Variants in ABI1 observed in about 807,000 individuals in gnomAD.
ABI1 encodes Abelson interactor 1.
ABI1 carries 14 observed loss-of-function variants against 54.6 expected under a neutral mutation model. The observed-to-expected ratio is 0.26, with a 90% CI of 0.17 to 0.40. The LOEUF is 0.40. ABI1 is among the 10% of genes least tolerant of loss of function. The pLI, the probability that ABI1 is intolerant of heterozygous loss-of-function variation, is 1.00. For missense variants in ABI1, 443 were observed against 598.3 expected (o/e 0.74, Z 2.71); for synonymous variants, 194 against 209.3 (o/e 0.93, Z 0.63).
At chr10:26,836,038 C>A (rs913213153) in intron 1 of ABI1, among the ~76,000 whole-genome samples, 18 of 152,088 alleles carry the variant, frequency 1.2e-4, no homozygotes, top group Middle Eastern at 3.2e-3. Flanking sequence ...CAAGCATGAG[C>A]CACTGTGCCC....
At chr10:26,784,442 A>T (rs1403112232) in intron 2 of ABI1, among the ~76,000 whole-genome samples, 1 of 152,054 alleles carries the variant, frequency 6.6e-6, no homozygotes, top group East Asian at 1.9e-4. Context: ...AAGTATTCAT[A>T]CTGTACTTGG....
intron 3 of ABI1, among the ~76,000 whole-genome samples, chr10:26,771,409 A>T (rs185427771): frequency 8.5e-5 from 13 of 152,318 alleles, no homozygotes. Flanking sequence ...TGATTTTAAA[A>T]ATACGCTCAT....
At chr10:26,851,083 G>A (rs2050349329) in intron 1 of ABI1, among the ~76,000 whole-genome samples, 1 of 152,010 alleles carries the variant, frequency 6.6e-6, no homozygotes, top group African/African-American at 2.4e-5. Flanking sequence ...AAGCACATGA[G>A]AACTAAAATG....
At chr10:26,757,203 C>T (rs1214481609) in intron 8 of ABI1, among the ~76,000 whole-genome samples, 2 of 151,468 alleles carry the variant, frequency 1.3e-5, no homozygotes, top group Non-Finnish European at 2.9e-5. Flanking sequence ...AAAACATTCA[C>T]GTACTACTAC....
chr10:26,775,302 A>AT (rs1243562492), intron 3 of ABI1, among the ~76,000 whole-genome samples: 1 of 152,210 alleles, frequency 6.6e-6, no homozygotes, highest in Non-Finnish European at 1.5e-5. Flanking sequence ...ATAGACAAAT[A>AT]TGCCAAATAA....
chr10:26,760,200 T>C (rs1475116020), intron 7 of ABI1, among the ~76,000 whole-genome samples: 1 of 152,192 alleles, frequency 6.6e-6, no homozygotes, highest in African/African-American at 2.4e-5. Flanking sequence ...TTCAAAAGTT[T>C]CATATTTAAA....
At chr10:26,835,092 A>AG in intron 1 of ABI1, among the ~76,000 whole-genome samples, 1 of 121,860 alleles carries the variant, frequency 8.2e-6, no homozygotes, top group African/African-American at 2.9e-5. Flanking sequence ...CTACCTCAAA[A>AG]AAAAAAAAAA....
chr10:26,788,274 C>A (rs915963705), intron 2 of ABI1, among the ~76,000 whole-genome samples: 2 of 152,228 alleles, frequency 1.3e-5, no homozygotes, highest in Non-Finnish European at 2.9e-5. Flanking sequence ...ATAAGCCCAA[C>A]TGAACCTCTT....
intron 1 of ABI1, among the ~76,000 whole-genome samples, chr10:26,849,442 T>C (rs139806463): frequency 1.3e-5 from 2 of 152,326 alleles, no homozygotes; most frequent in African/African-American, 4.8e-5. Flanking sequence ...TACGACAAAA[T>C]GGAAGTACAC....
intron 1 of ABI1, chr10:26,839,727 G>A (rs981939227): frequency 2.9e-6 from 2 of 700,812 alleles, no homozygotes; most frequent in African/African-American, 1.8e-5. Context: ...AAGGTAGGAG[G>A]ATTACCTGAG....
chr10:26,817,210 G>T (rs1297186734), intron 2 of ABI1, among the ~76,000 whole-genome samples: 1 of 151,988 alleles, frequency 6.6e-6, no homozygotes. Flanking sequence ...ATGTTGGCCA[G>T]GCTGGTCTCA....
At chr10:26,832,800 G>A (rs2048772295) in intron 1 of ABI1, among the ~76,000 whole-genome samples, 1 of 152,022 alleles carries the variant, frequency 6.6e-6, no homozygotes, top group Admixed American at 6.6e-5. Flanking sequence ...CACTCTGTGG[G>A]GAGAGATGAG....
intron 2 of ABI1, among the ~76,000 whole-genome samples, chr10:26,822,698 A>C (rs2182295): frequency 0.25 from 38,547 of 152,080 alleles, 5,848 homozygotes; most frequent in African/African-American, 0.42. Flanking sequence ...ACAAGGGACA[A>C]GAGGGAGGGA....
At chr10:26,835,734 T>C (rs960713433) in intron 1 of ABI1, among the ~76,000 whole-genome samples, 1 of 152,030 alleles carries the variant, frequency 6.6e-6, no homozygotes, top group African/African-American at 2.4e-5. Context: ...ATCCAACTTT[T>C]TCAACAACCA....
intron 2 of ABI1, among the ~76,000 whole-genome samples, chr10:26,806,128 C>T (rs1284973844): frequency 6.6e-6 from 1 of 152,182 alleles, no homozygotes; most frequent in African/African-American, 2.4e-5. Flanking sequence ...TCCTTCAAGC[C>T]ATGCTGTAAA....
Position 26,764,326 on chromosome 10 carries a change from T to C in ABI1, c.820+892A>G, listed in dbSNP as rs72629721. Among the ~76,000 whole-genome samples, 2,718 of 152,314 alleles carry C rather than the reference T, an allele frequency of 0.018. 190 individuals are homozygous for C. The South Asian group carries it at 0.19, about 11-fold the overall frequency. On this transcript the variant is annotated intron_variant, in intron 7 of 10. Coordinates refer to ENST00000376140, the MANE Select transcript of ABI1 (RefSeq NM_001012750.3). ...GGCTAATTCAATGCTCTCCAAGGATTTCTTAAATTTTCATGCTTTCTAAAA... is the reference window on the plus strand; with the variant it reads ...GGCTAATTCAATGCTCTCCAAGGATCTCTTAAATTTTCATGCTTTCTAAAA...
In ABI1 at chr10:26,776,974, T is replaced by C. The variant is rs1841486518; in HGVS notation, c.462+91A>G. 3 of 1,137,270 alleles carry C rather than the reference T, an allele frequency of 2.6e-6. No homozygotes were observed. In the South Asian group the frequency reaches 5.5e-5, roughly 21 times the overall value. 70.4% of individuals were successfully genotyped at this position (1,137,270 alleles called of 1,614,324 possible). On this transcript the variant is annotated intron_variant, in intron 3 of 10. Coordinates refer to ENST00000376140, the MANE Select transcript of ABI1 (RefSeq NM_001012750.3). Reference sequence around the variant, plus strand: ...TTATAATGCCAGCTGCTAAAGAGAATCTATTAAAATCATCTTTATGACAAT... The same window carrying C: ...TTATAATGCCAGCTGCTAAAGAGAACCTATTAAAATCATCTTTATGACAAT...
rs1216146377 is a variant in ABI1, at chr10:26,748,598, A to T, written c.1418T>A (p.Val473Asp). ...RVTGLFPGNYVESIMHYTD is the reference protein window; with the variant it reads ...RVTGLFPGNYDESIMHYTD Reference sequence around the variant, plus strand: ...ATCAGTATAGTGCATGATTGATTCAACATAGTTCCCAGGGAACAGACCAGT... The same window carrying T: ...ATCAGTATAGTGCATGATTGATTCATCATAGTTCCCAGGGAACAGACCAGT... Residue 473 changes from valine to aspartate, a missense_variant, in exon 11 of 11, where the codon GTT (valine) becomes GAT (aspartate). Physicochemically the swap from Val to Asp is radical, Grantham distance 152 (BLOSUM62 -3). Around this residue, in one of 2 missense-constraint regions of ABI1, gnomAD observed 49 missense variants for 113.5 expected, o/e 0.43. Transcript: ENST00000376140. The T allele has an allele frequency of 6.2e-7, 1 of 1,613,328 alleles. No individual in the cohort carries two copies. The highest frequency in any genetic ancestry group is 8.5e-7 in the Non-Finnish European group (1 of 1,179,762).
intron 10 of ABI1, among the ~76,000 whole-genome samples, chr10:26,751,175 T>G (rs1472660106): frequency 2.0e-5 from 3 of 152,188 alleles, no homozygotes; most frequent in African/African-American, 7.2e-5. Flanking sequence ...TTTTGTACCA[T>G]CATAAAGTTG....
Sources: allele counts gnomAD v4.1 joint callset (sites outside exome capture counted in the v4.1 genomes callset), GRCh38; gene constraint gnomAD v4.1.1; regional missense constraint gnomAD v4.1.1; transcripts MANE v1.5; gene names NCBI Gene and HGNC (gene_info 2026-07-23, HGNC 2026-07-21).